Variants in CHSY3 observed in about 807,000 individuals in gnomAD.
CHSY3 encodes the protein N-acetylgalactosaminyl-proteoglycan 3-beta-glucuronosyltransferase 3.
A neutral mutation model predicts 67.2 loss-of-function variants in CHSY3; 35 were observed. The observed-to-expected ratio is 0.52, with a 90% confidence interval of 0.40 to 0.69. CHSY3 has a LOEUF of 0.69. CHSY3 is among the 30% of genes least tolerant of loss of function. The probability of loss-of-function intolerance (pLI) is 0.00; values close to 1 mark genes in which losing one functional copy is unlikely to be tolerated. For missense variants in CHSY3, 1,069 were observed against 1,138.5 expected (o/e 0.94, Z 0.88); for synonymous variants, 474 against 434.7 (o/e 1.09, Z -1.12).
chr5:130,059,611 C>G (rs1765645268), intron 2 of CHSY3, among the ~76,000 whole-genome samples: 1 of 151,996 alleles, frequency 6.6e-6, no homozygotes, highest in Non-Finnish European at 1.5e-5. Flanking sequence ...TCTGAAAAAC[C>G]CTTTATCCAT....
In CHSY3 at chr5:129,905,244, G is replaced by C. The variant is rs1000337170; in HGVS notation, c.415G>C (p.Gly139Arg). Residue 139 changes from glycine to arginine, a missense_variant, in exon 1 of 3, where the codon GGG becomes CGG. This residue lies in a region of CHSY3 where 309 missense variants were observed against 262.5 expected (regional missense o/e 1.18). Transcript: ENST00000305031. ...CGAGGGGGAGCCCGAGGAGGAGGACGGGGGCGCGGCTGGGCAGCGGAGAGA... is the reference window on the plus strand; with the variant it reads ...CGAGGGGGAGCCCGAGGAGGAGGACCGGGGCGCGGCTGGGCAGCGGAGAGA... ...AAEGEPEEED[G>R]GAAGQRRDGR... 1 of 1,465,064 alleles carries C rather than the reference G, an allele frequency of 6.8e-7. No individual in the cohort carries two copies. The highest frequency in any genetic ancestry group is 9.0e-7 in the Non-Finnish European group (1 of 1,110,308). 90.8% of individuals were successfully genotyped at this position (1,465,064 alleles called of 1,614,324 possible).
chr5:130,096,403 C>A (rs1344672751), intron 2 of CHSY3, among the ~76,000 whole-genome samples: 3 of 152,114 alleles, frequency 2.0e-5, no homozygotes, highest in African/African-American at 4.8e-5. Flanking sequence ...AATCTCCTGA[C>A]CTCATAATCC....
chr5:129,987,031 T>C (rs1159601032), intron 2 of CHSY3, among the ~76,000 whole-genome samples: 1 of 152,236 alleles, frequency 6.6e-6, no homozygotes, highest in African/African-American at 2.4e-5. Context: ...AGCAATATTT[T>C]TGTTAATTTT....
At chr5:130,114,354 G>A (rs1767706935) in intron 2 of CHSY3, 1 of 152,134 alleles carries the variant, frequency 6.6e-6, no homozygotes, top group African/African-American at 2.4e-5. Context: ...TGTTATCCTA[G>A]TTTCTGAAAA....
At chr5:130,101,416 T>A (rs1440256034) in intron 2 of CHSY3, among the ~76,000 whole-genome samples, 1 of 152,140 alleles carries the variant, frequency 6.6e-6, no homozygotes, top group African/African-American at 2.4e-5. Context: ...ACCAAAAAGA[T>A]ATGATTATGT....
intron 2 of CHSY3, among the ~76,000 whole-genome samples, chr5:129,979,967 A>G (rs1381269385): frequency 6.6e-6 from 1 of 152,150 alleles, no homozygotes; most frequent in East Asian, 1.9e-4. Flanking sequence ...CATTTCCCTG[A>G]TATATACCTC....
At chr5:129,972,310 G>C (rs1224484437) in intron 2 of CHSY3, among the ~76,000 whole-genome samples, 1 of 152,000 alleles carries the variant, frequency 6.6e-6, no homozygotes, top group Non-Finnish European at 1.5e-5. Context: ...TCATGAGTGA[G>C]AAGGGGATGA....
At chr5:129,985,462 C>T (rs1475687804) in intron 2 of CHSY3, among the ~76,000 whole-genome samples, 9 of 151,050 alleles carry the variant, frequency 6.0e-5, no homozygotes, top group African/African-American at 2.2e-4. Context: ...TAGTGTGATG[C>T]TTCAGGCTTT....
chr5:129,904,968 T>C lies in CHSY3; in HGVS notation c.139T>C (p.Tyr47His). 2 of 1,566,510 alleles carry C rather than the reference T, an allele frequency of 1.3e-6. No homozygotes were observed. Among genetic ancestry groups the C allele is most frequent in the South Asian group, 1.2e-5 (1 of 86,080 alleles). Residue 47 changes from tyrosine (Y) to histidine (H), a missense_variant, in exon 1 of 3, where the codon TAC becomes CAC. This residue lies in a region of CHSY3 where 309 missense variants were observed against 262.5 expected (regional missense o/e 1.18). Coordinates refer to ENST00000305031, the MANE Select transcript of CHSY3 (RefSeq NM_175856.5). ...GAGACGTGGCTCCAGCCTCTGCTCCTACTACGGTCGCTCTGCTGCTGGCCC... is the reference window on the plus strand; with the variant it reads ...GAGACGTGGCTCCAGCCTCTGCTCCCACTACGGTCGCTCTGCTGCTGGCCC... ...RKRRGSSLCS[Y>H]YGRSAAGPRA...
intron 2 of CHSY3, among the ~76,000 whole-genome samples, chr5:130,057,821 G>C (rs1477961026): frequency 2.6e-5 from 4 of 151,992 alleles, no homozygotes; most frequent in Non-Finnish European, 4.4e-5. Flanking sequence ...TTCATGCTCA[G>C]TTCTCAGACC....
rs376495337 is a variant in CHSY3 at position 130,086,806 on chromosome 5, C to T, written c.1087-97423C>T. Among the ~76,000 whole-genome samples the T allele has an allele frequency of 4.2e-3, 632 of 152,072 alleles. 10 individuals carry two copies. Among genetic ancestry groups the T allele is most frequent in the East Asian group, 0.016 (84 of 5,152 alleles). Reference sequence around the variant, plus strand: ...CAGAGGTACAAGGAGGAACTGGTACCATTCCTTCTGAAACTATTCCAATCA... The same window carrying T: ...CAGAGGTACAAGGAGGAACTGGTACTATTCCTTCTGAAACTATTCCAATCA... On this transcript the variant is annotated intron_variant, in intron 2 of 2. Coordinates refer to ENST00000305031, the MANE Select transcript of CHSY3 (RefSeq NM_175856.5).
intron 2 of CHSY3, among the ~76,000 whole-genome samples, chr5:129,976,913 C>CATATAT (rs5871372): frequency 0.025 from 3,734 of 146,488 alleles, 77 homozygotes; most frequent in South Asian, 0.064. Flanking sequence ...ATAGAGAAGA[C>CATATAT]ATATATATAT....
At chr5:130,038,344 C>T (rs571725410) in intron 2 of CHSY3, among the ~76,000 whole-genome samples, 54 of 152,174 alleles carry the variant, frequency 3.5e-4, no homozygotes, top group African/African-American at 1.3e-3. Context: ...CTAGGAATAA[C>T]ACAACTAATT....
In CHSY3 at chr5:129,914,246, G is replaced by A. The variant is rs564907891; in HGVS notation, c.1086+5886G>A. On this transcript the variant is annotated intron_variant, in intron 2 of 2. Coordinates refer to ENST00000305031, the MANE Select transcript of CHSY3 (RefSeq NM_175856.5). ...CTGCCTCAACCTCCCGAGTAGCTGG[G>A]ATTACAGACATGCACCACCACACCC... 3.3e-5 allele frequency among the ~76,000 whole-genome samples: 5 copies of A among 152,204 alleles called. No individual in the cohort carries two copies. In the South Asian group the frequency reaches 1.0e-3, roughly 32 times the overall value.
chr5:130,178,188 T>TAC (rs1491116153), intron 2 of CHSY3, among the ~76,000 whole-genome samples: 6 of 107,580 alleles, frequency 5.6e-5, no homozygotes, highest in African/African-American at 2.7e-4. Flanking sequence ...TGTGTGTGTG[T>TAC]ATATATATAT....
At chr5:130,085,010 T>C (rs922849209) in intron 2 of CHSY3, among the ~76,000 whole-genome samples, 3 of 152,018 alleles carry the variant, frequency 2.0e-5, no homozygotes, top group Admixed American at 6.6e-5. Flanking sequence ...ATGTTAACGC[T>C]GGTCAGCTAT....
intron 2 of CHSY3, among the ~76,000 whole-genome samples, chr5:130,076,806 T>G (rs1312951385): frequency 6.6e-6 from 1 of 151,968 alleles, no homozygotes; most frequent in Admixed American, 6.6e-5. Flanking sequence ...TTTCCAATGT[T>G]TAAAATCTTT....
intron 1 of CHSY3, among the ~76,000 whole-genome samples, chr5:129,906,280 T>C (rs1269742616): frequency 1.3e-5 from 2 of 151,978 alleles, no homozygotes; most frequent in African/African-American, 4.8e-5. Context: ...CCGCTACAGT[T>C]CAGCACCAAG....
At position 130,184,346 on chromosome 5, in the gene CHSY3, C is replaced by T. The variant is rs1315162244; in HGVS notation, c.1204C>T (p.Gln402Ter). 6.2e-7 allele frequency: 1 copy of T among 1,613,604 alleles called. No individual in the cohort carries two copies. The highest frequency in any genetic ancestry group is 8.5e-7 in the Non-Finnish European group (1 of 1,179,666). ...TLHPNKRPAY[Q>*]YRLHNYMLSR... ...TCATCCCAACAAAAGGCCTGCATAC[C>T]AATACAGGCTGCATAATTACATGCT... The change falls in exon 3 of 3, where the codon CAA (glutamine) becomes TAA (stop). Residue 402 changes from glutamine (Q) to a stop codon, truncating the protein, a stop_gained. Transcript: ENST00000305031. LOFTEE classifies it high-confidence loss of function.
Sources: allele counts gnomAD v4.1 joint callset (sites outside exome capture counted in the v4.1 genomes callset), GRCh38; gene constraint gnomAD v4.1.1; regional missense constraint gnomAD v4.1.1; transcripts MANE v1.5; gene names NCBI Gene and HGNC (gene_info 2026-07-23, HGNC 2026-07-21).